SPAM1: variants seen among roughly 807,000 people sequenced by gnomAD.
The protein encoded by SPAM1 is hyaluronidase PH-20.
SPAM1 carries 22 observed loss-of-function variants against 29.6 expected under a neutral mutation model. That is an observed-to-expected ratio of 0.74 (90% confidence interval 0.53 to 1.06). SPAM1 has a LOEUF of 1.06. Ranked by LOEUF, SPAM1 falls within the 50% of genes least tolerant of loss-of-function variation. SPAM1 has a pLI of 0.00. For synonymous variants in SPAM1, 194 were observed against 204.6 expected (o/e 0.95, Z 0.44); for missense variants, 534 against 604.0 (o/e 0.88, Z 1.21).
At chr7:123,945,697 G>A (rs1020023090) in intron 1 of SPAM1, among the ~76,000 whole-genome samples, 1 of 152,086 alleles carries the variant, frequency 6.6e-6, no homozygotes, top group African/African-American at 2.4e-5. Flanking sequence ...ATTTTCCCTG[G>A]TATTGAAGAT....
chr7:123,930,823 C>T (rs1478384118), intron 1 of SPAM1, among the ~76,000 whole-genome samples: 2 of 152,108 alleles, frequency 1.3e-5, no homozygotes, highest in African/African-American at 4.8e-5. Flanking sequence ...GATTAGATAA[C>T]ATTTTTACTT....
intron 1 of SPAM1, among the ~76,000 whole-genome samples, chr7:123,927,449 G>A (rs955185196): frequency 1.3e-5 from 2 of 152,158 alleles, no homozygotes; most frequent in Non-Finnish European, 2.9e-5. Flanking sequence ...AGCATGGGCA[G>A]CAAAAGTAGG....
chr7:123,949,386 T>C (rs557920240), intron 1 of SPAM1, among the ~76,000 whole-genome samples: 1 of 152,300 alleles, frequency 6.6e-6, no homozygotes, highest in Non-Finnish European at 1.5e-5. Context: ...TTTTAATTCC[T>C]TAAGCATGCA....
chr7:123,927,068 C>T (rs1017164551), intron 1 of SPAM1, among the ~76,000 whole-genome samples: 1 of 151,936 alleles, frequency 6.6e-6, no homozygotes, highest in Non-Finnish European at 1.5e-5. Flanking sequence ...ATATTTTTTT[C>T]CTTGTCTCAT....
At chr7:123,934,280 A>G (rs1808183882) in intron 1 of SPAM1, among the ~76,000 whole-genome samples, 2 of 152,328 alleles carry the variant, frequency 1.3e-5, no homozygotes, top group South Asian at 4.1e-4. Flanking sequence ...GCAAATCAAA[A>G]TCATAATTAG....
At chr7:123,928,690 G>A (rs1446081338) in intron 1 of SPAM1, among the ~76,000 whole-genome samples, 8 of 152,152 alleles carry the variant, frequency 5.3e-5, no homozygotes, top group African/African-American at 1.9e-4. Context: ...TAAGGATGGA[G>A]GATATACTTC....
chr7:123,951,341 CTT>C (rs1341809485), intron 2 of SPAM1, among the ~76,000 whole-genome samples: 4 of 152,060 alleles, frequency 2.6e-5, no homozygotes, highest in Admixed American at 6.6e-5. Context: ...TGTCTAATAA[CTT>C]AGTCTGTCTA....
At chr7:123,925,735 C>T (rs966275903) in intron 1 of SPAM1, 1 of 129,308 alleles carries the variant, frequency 7.7e-6, no homozygotes, top group Non-Finnish European at 1.7e-5. Context: ...GACTCTGTCA[C>T]AAAAAAAAAA....
chr7:123,935,342 A>G (rs149751298), intron 1 of SPAM1, among the ~76,000 whole-genome samples: 1 of 152,142 alleles, frequency 6.6e-6, no homozygotes, highest in South Asian at 2.1e-4. Flanking sequence ...TAAGTGTTTT[A>G]TATACATTAT....
intron 4 of SPAM1, 109 bp from the exon 5 acceptor site, chr7:123,959,375 A>G (rs1792314635): frequency 1.5e-6 from 1 of 683,872 alleles, no homozygotes; most frequent in Non-Finnish European, 2.4e-6. Context: ...ACTTCTTGCT[A>G]TCTCTGGTTT....
chr7:123,947,001 C>G (rs1377043202), intron 1 of SPAM1, among the ~76,000 whole-genome samples: 1 of 151,882 alleles, frequency 6.6e-6, no homozygotes, highest in Non-Finnish European at 1.5e-5. Flanking sequence ...TTGACGTTTC[C>G]CTTGGCTTAG....
chr7:123,937,022 C>G (rs1808260902), intron 1 of SPAM1, among the ~76,000 whole-genome samples: 1 of 152,172 alleles, frequency 6.6e-6, no homozygotes, highest in South Asian at 2.1e-4. Flanking sequence ...TTATTACCCC[C>G]AAGCATCTCT....
chr7:123,941,512 A>G lies in SPAM1; in HGVS notation c.-318-8360A>G, dbSNP rs556810416. 9.0e-4 allele frequency among the ~76,000 whole-genome samples: 137 copies of G among 152,290 alleles called. 1 individual carries two copies. Among genetic ancestry groups the G allele is most frequent in the Non-Finnish European group, 1.4e-3 (96 of 68,024 alleles). On this transcript the variant is annotated intron_variant, in intron 1 of 4. Coordinates refer to ENST00000682466, the MANE Select transcript of SPAM1 (RefSeq NM_153189.3). The stretch of plus-strand genomic sequence containing the variant: ...TCTGGCTCAGTAAATCTGCATTTTT[A>G]CATAAACAATAGGACAGAGGAAGCA...
In SPAM1 at chr7:123,959,753, T is replaced by A. The variant is rs773219199; in HGVS notation, c.1314T>A (p.Tyr438Ter). Residue 438 changes from tyrosine to a stop codon, truncating the protein, a stop_gained, in exon 5 of 5, where the codon TAT (tyrosine) becomes TAA (stop). Transcript: ENST00000682466. LOFTEE classifies it low-confidence loss of function (END_TRUNC). ...CTGAAAAATTTTATTGCAGCTGTTA[T>A]AGCACCTTGAGTTGTAAGGAGAAAG... The part of the protein sequence containing the change: ...QFSEKFYCSC[Y>*]STLSCKEKAD... 1 of 1,613,280 alleles carries A rather than the reference T, an allele frequency of 6.2e-7. No individual in the cohort carries two copies.
At chr7:123,955,263 G>A (rs1460999021) in intron 4 of SPAM1, among the ~76,000 whole-genome samples, 177 bp downstream of exon 4, 1 of 151,970 alleles carries the variant, frequency 6.6e-6, no homozygotes, top group African/African-American at 2.4e-5. Flanking sequence ...GCAGAAAATA[G>A]TATACCCATT....
At chr7:123,938,133 C>T (rs116162791) in intron 1 of SPAM1, among the ~76,000 whole-genome samples, 15 of 151,270 alleles carry the variant, frequency 9.9e-5, no homozygotes, top group African/African-American at 3.4e-4. Flanking sequence ...ACTGTGTTGC[C>T]CAGGCTAGAG....
intron 1 of SPAM1, among the ~76,000 whole-genome samples, chr7:123,937,532 C>T (rs940235731): frequency 4.4e-5 from 6 of 135,234 alleles, no homozygotes; most frequent in East Asian, 2.5e-4. Flanking sequence ...ACCCGGGAGG[C>T]GGAGCTTGCA....
intron 1 of SPAM1, among the ~76,000 whole-genome samples, chr7:123,930,833 T>A (rs1808052971): frequency 1.3e-5 from 2 of 152,150 alleles, no homozygotes; most frequent in African/African-American, 4.8e-5. Context: ...CATTTTTACT[T>A]AGCACCCACC....
intron 6 of SPAM1, chr7:123,970,996 A>G (rs747787593): frequency 6.7e-5 from 10 of 149,190 alleles, no homozygotes; most frequent in Non-Finnish European, 1.5e-4. Context: ...CTCATGATCA[A>G]TATCCTTTAG....
Sources: allele counts gnomAD v4.1 joint callset (sites outside exome capture counted in the v4.1 genomes callset), GRCh38; gene constraint gnomAD v4.1.1; transcripts MANE v1.5; gene names NCBI Gene and HGNC (gene_info 2026-07-23, HGNC 2026-07-21).